CACNA1C: variants seen among roughly 807,000 people sequenced by gnomAD.
The protein encoded by CACNA1C is calcium voltage-gated channel subunit alpha1 C, also known as voltage-dependent L-type calcium channel subunit alpha-1C.
Under a neutral mutation model 229.0 loss-of-function variants are expected in CACNA1C, and 30 were observed. The ratio of observed to expected loss-of-function variants is 0.13; its 90% confidence interval spans 0.10 to 0.18. The LOEUF (loss-of-function observed/expected upper bound fraction) is 0.18, where lower values mean the gene tolerates loss of function less well. Ranked by LOEUF, CACNA1C falls within the 10% of genes least tolerant of loss-of-function variation. The pLI, the probability that CACNA1C is intolerant of heterozygous loss-of-function variation, is 1.00. For synonymous variants in CACNA1C, 1,114 were observed against 1,132.5 expected (o/e 0.98, Z 0.33); for missense variants, 1,658 against 2,845.0 (o/e 0.58, Z 9.49).
At chr12:2,481,930 G>A (rs918441708) in intron 5 of CACNA1C, among the ~76,000 whole-genome samples, 51 of 152,258 alleles carry the variant, frequency 3.3e-4, no homozygotes, top group Admixed American at 3.3e-3. Context: ...AAGAAGGCCC[G>A]ACACTCGCTT....
chr12:2,339,666 GAC>G (rs2096801862), intron 3 of CACNA1C, among the ~76,000 whole-genome samples: 1 of 152,048 alleles, frequency 6.6e-6, no homozygotes, highest in South Asian at 2.1e-4. Flanking sequence ...TAAGAAGTAA[GAC>G]ACGCGCACAT....
At chr12:2,686,031 T>C (rs2097451566) in intron 44 of CACNA1C, 135 bp from the exon 45 acceptor site, 2 of 862,950 alleles carry the variant, frequency 2.3e-6, no homozygotes, top group South Asian at 2.7e-5. Context: ...AGAATACGTC[T>C]CAGACGAGGG....
chr12:2,649,391 T>C lies in CACNA1C; in HGVS notation c.3945+884T>C, dbSNP rs1165606904. 6.6e-6 allele frequency among the ~76,000 whole-genome samples: 1 copy of C among 152,176 alleles called. No individual in the cohort carries two copies. The highest frequency in any genetic ancestry group is 1.9e-4 in the East Asian group (1 of 5,188). ...CAGGCCGAGGCAAGCTTGGGTGGGT[T>C]GATGTGTTCCCCAGTGCAGCCTGGC... On this transcript the variant is annotated intron_variant, in intron 31 of 46. Transcript: ENST00000399655. This position sits in a 1 kb window ranked among gnomAD's most constrained non-coding sequence, Gnocchi z 4.4.
At chr12:2,274,437 C>T (rs2086738084) in intron 3 of CACNA1C, among the ~76,000 whole-genome samples, 1 of 152,210 alleles carries the variant, frequency 6.6e-6, no homozygotes, top group African/African-American at 2.4e-5. Context: ...ACTTCATCAA[C>T]CAGGAAGGCT....
chr12:2,202,080 A>C (rs542913225), intron 3 of CACNA1C, among the ~76,000 whole-genome samples: 2 of 152,220 alleles, frequency 1.3e-5, no homozygotes, highest in Non-Finnish European at 2.9e-5. Context: ...TGATTAGAGA[A>C]ATGATAATGA....
At chr12:2,537,649 C>G (rs575396415) in intron 9 of CACNA1C, among the ~76,000 whole-genome samples, 59 of 152,330 alleles carry the variant, frequency 3.9e-4, no homozygotes, top group Non-Finnish European at 8.2e-4. Context: ...GCACTTAGCA[C>G]TTAAAAGGAC....
chr12:2,542,943 T>C (rs1218642734), intron 9 of CACNA1C, among the ~76,000 whole-genome samples: 1 of 152,224 alleles, frequency 6.6e-6, no homozygotes, highest in Non-Finnish European at 1.5e-5. Context: ...AAAAATGCAA[T>C]GATGTTAGCC....
intron 9 of CACNA1C, among the ~76,000 whole-genome samples, chr12:2,536,323 G>A (rs569729703): frequency 5.9e-5 from 9 of 152,308 alleles, no homozygotes; most frequent in East Asian, 1.9e-4. Context: ...TCTGACTTCC[G>A]TACAGGAGAG....
chr12:2,491,657 G>C (rs2099735016), intron 6 of CACNA1C, among the ~76,000 whole-genome samples: 1 of 151,562 alleles, frequency 6.6e-6, no homozygotes, highest in Non-Finnish European at 1.5e-5. Context: ...GGAGGAAGAG[G>C]AGGAGGAGGA....
chr12:2,643,581 T>C (rs950071636), intron 30 of CACNA1C, among the ~76,000 whole-genome samples: 2 of 152,198 alleles, frequency 1.3e-5, no homozygotes, highest in Admixed American at 6.5e-5. Context: ...AAAACATGTT[T>C]GCCTTTGGCC....
chr12:2,556,101 G>A (rs558265236), intron 10 of CACNA1C, among the ~76,000 whole-genome samples: 1 of 152,192 alleles, frequency 6.6e-6, no homozygotes, highest in Non-Finnish European at 1.5e-5. Flanking sequence ...GCCTTCTAAT[G>A]GTCTCAACTG....
intron 5 of CACNA1C, among the ~76,000 whole-genome samples, chr12:2,463,074 G>A (rs573925588): frequency 1.5e-4 from 18 of 118,892 alleles, no homozygotes; most frequent in African/African-American, 4.0e-4. Flanking sequence ...CACCACGCCC[G>A]GCTAATTTTT....
intron 3 of CACNA1C, among the ~76,000 whole-genome samples, chr12:2,301,841 C>T (rs2094583265): frequency 6.6e-6 from 1 of 152,192 alleles, no homozygotes; most frequent in South Asian, 2.1e-4. Flanking sequence ...TGGGGAGCCT[C>T]AGATCCCAGG....
intron 3 of CACNA1C, among the ~76,000 whole-genome samples, chr12:2,137,235 C>G (rs2093627038): frequency 6.6e-6 from 1 of 151,326 alleles, no homozygotes; most frequent in African/African-American, 2.4e-5. Flanking sequence ...TAGCCCTGGG[C>G]TCTGGTTCCA....
chr12:2,026,874 C>T (rs1239418686), intron 1 of CACNA1C, among the ~76,000 whole-genome samples: 1 of 152,062 alleles, frequency 6.6e-6, no homozygotes, highest in Non-Finnish European at 1.5e-5. Context: ...TTGAGGAGTA[C>T]ACAGTATACA....
chr12:2,258,742 T>G (rs913846690), intron 3 of CACNA1C, among the ~76,000 whole-genome samples: 1 of 152,250 alleles, frequency 6.6e-6, no homozygotes, highest in Admixed American at 6.5e-5. Context: ...TTAAGACGCC[T>G]GAATATTTTC....
At chr12:2,190,791 A>T (rs1489617736) in intron 3 of CACNA1C, among the ~76,000 whole-genome samples, 1 of 152,092 alleles carries the variant, frequency 6.6e-6, no homozygotes, top group Non-Finnish European at 1.5e-5. Flanking sequence ...CCCAGCTTGG[A>T]TTGGTGGGGT....
intron 3 of CACNA1C, among the ~76,000 whole-genome samples, chr12:2,318,048 C>T (rs138510230): frequency 1.2e-4 from 18 of 152,234 alleles, no homozygotes; most frequent in Non-Finnish European, 2.1e-4. Flanking sequence ...AGCCGAGGGT[C>T]CAGGACATTT....
In CACNA1C at chr12:2,108,561, G is replaced by A. The variant is rs2080190238; in HGVS notation, c.50-6663G>A. On this transcript the variant is annotated intron_variant, in intron 1 of 46. Coordinates refer to ENST00000399655, the MANE Select transcript of CACNA1C (RefSeq NM_000719.7). The surrounding 1 kb of genome is among the most constrained non-coding windows in gnomAD (Gnocchi z 5.3). ...GCTCCAAGGGAGGTTGGGAGCCATT[G>A]TGTTTAGCCCTCTGGCCCCTGCAGT... Among the ~76,000 whole-genome samples the A allele has an allele frequency of 1.3e-5, 2 of 152,238 alleles. No individual in the cohort carries two copies. Among genetic ancestry groups the A allele is most frequent in the African/African-American group, 2.4e-5 (1 of 41,460 alleles).
Sources: gnomAD v4.1 joint callset for allele counts (sites outside exome capture counted in the v4.1 genomes callset) on GRCh38, gnomAD v4.1.1 for gene constraint, Gnocchi (gnomAD v3.1) non-coding constraint, MANE v1.5 for transcripts, NCBI Gene and HGNC (gene_info 2026-07-23, HGNC 2026-07-21) for gene names.